GPHN: variants seen among roughly 807,000 people sequenced by gnomAD.
GPHN encodes the protein gephyrin.
GPHN carries 17 observed loss-of-function variants against 95.5 expected under a neutral mutation model. The observed-to-expected ratio is 0.18, with a 90% CI of 0.12 to 0.27. The LOEUF is 0.27. GPHN is among the 10% of genes least tolerant of loss of function. The pLI, the probability that GPHN is intolerant of heterozygous loss-of-function variation, is 1.00. For synonymous variants in GPHN, 320 were observed against 322.5 expected (o/e 0.99, Z 0.08); for missense variants, 660 against 978.1 (o/e 0.67, Z 4.34).
At chr14:66,849,644 CATATT>C (rs2062494872) in intron 4 of GPHN, among the ~76,000 whole-genome samples, 1 of 151,920 alleles carries the variant, frequency 6.6e-6, no homozygotes, top group African/African-American at 2.4e-5. Context: ...TTTTTATTGG[CATATT>C]GTAGAGTAAT....
At chr14:67,078,382 C>G (rs2076574342) in intron 11 of GPHN, among the ~76,000 whole-genome samples, 1 of 152,142 alleles carries the variant, frequency 6.6e-6, no homozygotes, top group South Asian at 2.1e-4. Flanking sequence ...CTGCTCACTG[C>G]TGTTTCTCTA....
intron 8 of GPHN, among the ~76,000 whole-genome samples, chr14:66,962,004 G>A (rs2068982482): frequency 7.1e-6 from 1 of 140,956 alleles, no homozygotes; most frequent in Non-Finnish European, 1.6e-5. Flanking sequence ...TGGGTTCACA[G>A]TGGCATTTTT....
chr14:67,077,804 G>T (rs1336709562), intron 11 of GPHN, among the ~76,000 whole-genome samples: 1 of 152,040 alleles, frequency 6.6e-6, no homozygotes, highest in African/African-American at 2.4e-5. Flanking sequence ...GATCCAACCA[G>T]ACTGCCACTG....
the GPHN span, chr14:67,678,424 C>G: frequency 6.2e-7 from 1 of 1,606,138 alleles, no homozygotes; most frequent in African/African-American, 1.3e-5. Context: ...ATGACAGTCA[C>G]TGGAAGGTAA....
At chr14:67,209,306 AAGAG>A in the GPHN span, among the ~76,000 whole-genome samples, 2 of 152,000 alleles carry the variant, frequency 1.3e-5, no homozygotes, top group Non-Finnish European at 2.9e-5. Flanking sequence ...TGAAAATAAA[AAGAG>A]AGAGAGAGAA....
chr14:67,187,516 C>A, the GPHN span, among the ~76,000 whole-genome samples: 2 of 152,144 alleles, frequency 1.3e-5, no homozygotes, highest in Non-Finnish European at 2.9e-5. Context: ...ATTGCCCTTC[C>A]CAAATCTATC....
the GPHN span, among the ~76,000 whole-genome samples, chr14:67,689,798 G>C: frequency 6.6e-6 from 1 of 152,032 alleles, no homozygotes; most frequent in African/African-American, 2.4e-5. Flanking sequence ...ACAAAAATTA[G>C]CCAGGCCTGG....
the GPHN span, among the ~76,000 whole-genome samples, chr14:67,195,713 TTGTGTGTGTGTG>T: frequency 1.3e-4 from 18 of 143,344 alleles, no homozygotes; most frequent in Admixed American, 2.8e-4. Flanking sequence ...TTCTTTTTGG[TTGTGTGTGTGTG>T]TGTGTGTGTG....
chr14:67,645,671 G>A, the GPHN span: 2 of 1,613,908 alleles, frequency 1.2e-6, no homozygotes, highest in Non-Finnish European at 1.7e-6. Flanking sequence ...TAGTGGCCAT[G>A]CCCGACACTG....
chr14:66,739,512 G>A lies in GPHN; in HGVS notation c.144-36952G>A, dbSNP rs986981562. Among the ~76,000 whole-genome samples, 31 of 144,046 alleles carry A rather than the reference G, an allele frequency of 2.2e-4. No individual in the cohort carries two copies. In the East Asian group the frequency reaches 3.2e-3, roughly 15 times the overall value. The allele number at this position is 144,046 out of a possible 152,430, so 94.5% of individuals were successfully genotyped here. A position where few individuals can be genotyped will look rare whatever the true frequency, so the allele number is the denominator to read the frequency against. The stretch of plus-strand genomic sequence containing the variant: ...ATTACAGGCGTGAGCCACCACCCCC[G>A]GCCCCTGCTTTTTTTTTTTTTTTTT... On this transcript the variant is annotated intron_variant, in intron 2 of 22. Transcript: ENST00000478722.
At chr14:67,316,046 G>T in the GPHN span, among the ~76,000 whole-genome samples, 1 of 152,138 alleles carries the variant, frequency 6.6e-6, no homozygotes, top group Non-Finnish European at 1.5e-5. Context: ...TGTAGAATTT[G>T]CTTATTGATT....
intron 2 of GPHN, among the ~76,000 whole-genome samples, chr14:66,685,254 G>C (rs902198926): frequency 5.3e-5 from 8 of 152,172 alleles, no homozygotes; most frequent in Admixed American, 1.3e-4. Flanking sequence ...ATAATCCTTT[G>C]GGTATATACC....
chr14:67,149,944 T>C (rs1431404434), intron 18 of GPHN, among the ~76,000 whole-genome samples: 2 of 152,148 alleles, frequency 1.3e-5, no homozygotes, highest in Non-Finnish European at 2.9e-5. Flanking sequence ...TTAATTTCTA[T>C]ATAATTAATA....
the GPHN span, among the ~76,000 whole-genome samples, chr14:67,347,122 T>C: frequency 6.6e-6 from 1 of 152,080 alleles, no homozygotes; most frequent in Non-Finnish European, 1.5e-5. Flanking sequence ...TAGCTGAAAC[T>C]ACAGGCACGT....
intron 1 of GPHN, among the ~76,000 whole-genome samples, chr14:66,578,331 G>T (rs2060990426): frequency 6.6e-6 from 1 of 151,670 alleles, no homozygotes; most frequent in South Asian, 2.1e-4. Context: ...GGGCAGTGAA[G>T]CAAACCAATC....
chr14:66,990,413 A>G (rs8021044), intron 9 of GPHN, among the ~76,000 whole-genome samples: 49,042 of 152,030 alleles, frequency 0.32, 11,499 homozygotes, highest in African/African-American at 0.64. Context: ...TCCTTATACA[A>G]TTGTATAATT....
chr14:66,985,557 C>A (rs1039470422), intron 9 of GPHN: 3 of 607,306 alleles, frequency 4.9e-6, no homozygotes, highest in Non-Finnish European at 8.6e-6. Context: ...ACTCCTTGGC[C>A]TCCTAAGAGC....
chr14:67,390,040 T>C, the GPHN span, among the ~76,000 whole-genome samples: 2 of 152,210 alleles, frequency 1.3e-5, no homozygotes, highest in African/African-American at 4.8e-5. Flanking sequence ...CAAAAACTAA[T>C]GAAAGTCATA....
chr14:66,684,106 A>T (rs1595537920), intron 2 of GPHN, among the ~76,000 whole-genome samples: 2 of 152,204 alleles, frequency 1.3e-5, no homozygotes, highest in African/African-American at 2.4e-5. Flanking sequence ...TTAGAATAAG[A>T]TGTGTGTTGA....
Sources: gnomAD v4.1 joint callset for allele counts (sites outside exome capture counted in the v4.1 genomes callset) on GRCh38, gnomAD v4.1.1 for gene constraint, MANE v1.5 for transcripts, NCBI Gene and HGNC (gene_info 2026-07-23, HGNC 2026-07-21) for gene names.